ERBB4: variants seen among roughly 807,000 people sequenced by gnomAD.
The protein encoded by ERBB4 is receptor tyrosine-protein kinase erbB-4.
A neutral mutation model predicts 158.0 loss-of-function variants in ERBB4; 42 were observed. The observed-to-expected ratio is 0.27, with a 90% CI of 0.21 to 0.34. The LOEUF (loss-of-function observed/expected upper bound fraction) is 0.34, where lower values mean the gene tolerates loss of function less well. ERBB4 is among the 10% of genes least tolerant of loss of function. The pLI, the probability that ERBB4 is intolerant of heterozygous loss-of-function variation, is 1.00. For synonymous variants in ERBB4, 583 were observed against 558.7 expected, an observed-to-expected ratio of 1.04 and a Z score of -0.61; for missense variants, 1,333 against 1,624.1, an observed-to-expected ratio of 0.82 and a Z score of 3.08.
chr2:212,495,760 G>T (rs551063541), intron 1 of ERBB4, among the ~76,000 whole-genome samples: 17 of 152,080 alleles, frequency 1.1e-4, no homozygotes, highest in Non-Finnish European at 2.4e-4. Flanking sequence ...TTACATAGAC[G>T]AATGTCATAC....
At chr2:211,412,113 T>G (rs1213734229) in intron 25 of ERBB4, among the ~76,000 whole-genome samples, 5 of 150,154 alleles carry the variant, frequency 3.3e-5, no homozygotes, top group South Asian at 4.2e-4. Flanking sequence ...AAAAAAAAAG[T>G]TTTTAAATTG....
intron 1 of ERBB4, among the ~76,000 whole-genome samples, chr2:212,214,968 A>G (rs2083054194): frequency 6.6e-6 from 1 of 151,626 alleles, no homozygotes; most frequent in South Asian, 2.1e-4. Context: ...CATAAATTTA[A>G]TTACATGAAG....
At chr2:212,408,336 G>C (rs1360934941) in intron 1 of ERBB4, among the ~76,000 whole-genome samples, 1 of 151,984 alleles carries the variant, frequency 6.6e-6, no homozygotes, top group Admixed American at 6.6e-5. Flanking sequence ...GCGAGAACAT[G>C]CGGTGTTTGG....
intron 22 of ERBB4, among the ~76,000 whole-genome samples, chr2:211,427,742 G>T (rs1235474725): frequency 1.3e-5 from 2 of 151,508 alleles, no homozygotes; most frequent in Non-Finnish European, 2.9e-5. Context: ...GTTTTTGTTT[G>T]AATATTTATT....
intron 1 of ERBB4, among the ~76,000 whole-genome samples, chr2:212,237,907 T>G (rs2083938280): frequency 1.3e-5 from 2 of 152,130 alleles, no homozygotes; most frequent in Non-Finnish European, 2.9e-5. Flanking sequence ...CAAGTCTCAG[T>G]AATAGCGGAC....
chr2:211,807,372 C>T (rs1464926528), intron 3 of ERBB4, among the ~76,000 whole-genome samples: 2 of 152,114 alleles, frequency 1.3e-5, no homozygotes, highest in Non-Finnish European at 2.9e-5. Flanking sequence ...CAGTTCCCAC[C>T]TATGATTGAG....
At chr2:211,974,991 CT>C (rs113104974) in intron 2 of ERBB4, among the ~76,000 whole-genome samples, 10,108 of 148,972 alleles carry the variant, frequency 0.068, 651 homozygotes, top group East Asian at 0.27. Flanking sequence ...ATATCCATCA[CT>C]TTTTTTTTTG....
Position 211,914,802 on chromosome 2 carries a change from C to A in ERBB4, c.421+32628G>T, listed in dbSNP as rs375142739. 5.3e-5 allele frequency among the ~76,000 whole-genome samples: 8 copies of A among 152,110 alleles called. No homozygotes were observed. The South Asian group carries it at 1.2e-3, about 24-fold the overall frequency. ...TTAATTTCCTAACATTTAAATGTTTCACTCTTTTAAGTATTTATTCTTATC... is the reference window on the plus strand; with the variant it reads ...TTAATTTCCTAACATTTAAATGTTTAACTCTTTTAAGTATTTATTCTTATC... On this transcript the variant is annotated intron_variant, in intron 3 of 27. Coordinates refer to ENST00000342788, the MANE Select transcript of ERBB4 (RefSeq NM_005235.3).
chr2:211,619,427 G>C, intron 18 of ERBB4, 152 bp from the exon 19 acceptor site: 2 of 625,732 alleles, frequency 3.2e-6, no homozygotes, highest in South Asian at 3.8e-5. Context: ...TTTGTTGTCT[G>C]CTTTCATTAT....
At chr2:212,219,970 GT>G (rs2083241055) in intron 1 of ERBB4, among the ~76,000 whole-genome samples, 1 of 145,500 alleles carries the variant, frequency 6.9e-6, no homozygotes. Flanking sequence ...AAAAAAAAAA[GT>G]GGGATTTTTC....
chr2:211,878,485 CT>C (rs1276840762), intron 3 of ERBB4, among the ~76,000 whole-genome samples: 1 of 152,010 alleles, frequency 6.6e-6, no homozygotes, highest in African/African-American at 2.4e-5. Context: ...CAAAAGCATT[CT>C]TTTATCACAT....
chr2:211,991,949 G>A (rs796854412), intron 2 of ERBB4, among the ~76,000 whole-genome samples: 9 of 152,168 alleles, frequency 5.9e-5, no homozygotes, highest in African/African-American at 2.2e-4. Context: ...GTTAAGGGAG[G>A]GAGGGGACAG....
chr2:211,757,288 C>CTT (rs2106229303), intron 4 of ERBB4, among the ~76,000 whole-genome samples: 1 of 152,242 alleles, frequency 6.6e-6, no homozygotes, highest in South Asian at 2.1e-4. Context: ...TTTCATACAT[C>CTT]TTGATACAAA....
chr2:211,861,042 TATATATTTATATATATATAAATATA>T (rs1305941232), intron 3 of ERBB4, among the ~76,000 whole-genome samples: 2 of 12,218 alleles, frequency 1.6e-4, no homozygotes, highest in African/African-American at 3.3e-4. Context: ...ATAATATATT[TATATATTTATATATATATAAATATA>T]ATATATTTAT....
chr2:212,478,656 C>T (rs746563354), intron 1 of ERBB4, among the ~76,000 whole-genome samples: 2 of 151,980 alleles, frequency 1.3e-5, no homozygotes, highest in Admixed American at 6.6e-5. Flanking sequence ...CTATAAATAT[C>T]AGTTCCAATG....
intron 20 of ERBB4, among the ~76,000 whole-genome samples, chr2:211,438,289 G>GA (rs1465242709): frequency 6.6e-6 from 1 of 152,070 alleles, no homozygotes; most frequent in Admixed American, 6.6e-5. Flanking sequence ...GCCAATAATA[G>GA]ACACAGAGAA....
chr2:212,099,963 G>A (rs1465330994), intron 2 of ERBB4, among the ~76,000 whole-genome samples: 6 of 152,226 alleles, frequency 3.9e-5, no homozygotes, highest in African/African-American at 1.2e-4. Flanking sequence ...ATGCATGCAT[G>A]CAGGTATGAA....
At chr2:211,409,979 G>A (rs778973169) in intron 25 of ERBB4, among the ~76,000 whole-genome samples, 1 of 152,142 alleles carries the variant, frequency 6.6e-6, no homozygotes, top group Non-Finnish European at 1.5e-5. Context: ...AGTGAAGCAA[G>A]TCACTTCACT....
At chr2:211,719,671 C>G (rs1485691876) in intron 7 of ERBB4, among the ~76,000 whole-genome samples, 1 of 151,834 alleles carries the variant, frequency 6.6e-6, no homozygotes. Context: ...CTGGCTAACA[C>G]AGTGAAACCC....
Sources: gnomAD v4.1 joint callset for allele counts (sites outside exome capture counted in the v4.1 genomes callset) on GRCh38, gnomAD v4.1.1 for gene constraint, MANE v1.5 for transcripts, NCBI Gene and HGNC (gene_info 2026-07-23, HGNC 2026-07-21) for gene names.